KCNMA1: variants seen among roughly 807,000 people sequenced by gnomAD.
The protein encoded by KCNMA1 is potassium calcium-activated channel subfamily M alpha 1.
Under a neutral mutation model 140.0 loss-of-function variants are expected in KCNMA1, and 29 were observed. That is an observed-to-expected ratio of 0.21 (90% CI 0.15 to 0.28). KCNMA1 has a LOEUF of 0.28. Ranked by LOEUF, KCNMA1 falls within the 10% of genes least tolerant of loss-of-function variation. KCNMA1 has a pLI of 1.00. For missense variants in KCNMA1, 880 were observed against 1,602.2 expected (o/e 0.55, Z 7.70); for synonymous variants, 612 against 611.9 (o/e 1.00, Z 0.00).
intron 3 of KCNMA1, among the ~76,000 whole-genome samples, chr10:77,210,678 T>C (rs1423758281): frequency 6.6e-6 from 1 of 152,164 alleles, no homozygotes; most frequent in Non-Finnish European, 1.5e-5. Context: ...AAGATTCTTA[T>C]AAAAGGCTGT....
At chr10:77,212,391 G>A (rs974174124) in intron 3 of KCNMA1, among the ~76,000 whole-genome samples, 1 of 152,106 alleles carries the variant, frequency 6.6e-6, no homozygotes, top group Non-Finnish European at 1.5e-5. Context: ...AGTGGGAGCT[G>A]AGCACTGAGC....
intron 18 of KCNMA1, among the ~76,000 whole-genome samples, chr10:77,005,240 T>C (rs1481254979): frequency 1.3e-5 from 2 of 152,086 alleles, no homozygotes; most frequent in Non-Finnish European, 2.9e-5. Context: ...ATATATGCAG[T>C]GTCATTTCAA....
Position 77,637,547 on chromosome 10 carries a change from G to C in KCNMA1, c.96C>G (p.Asn32Lys), listed in dbSNP as rs749212119. The change falls in exon 1 of 28, where the codon AAC (asparagine) becomes AAG (lysine). Residue 32 changes from asparagine (N) to lysine (K), a missense_variant. Coordinates refer to ENST00000286628, the MANE Select transcript of KCNMA1 (RefSeq NM_001161352.2). The stretch of plus-strand genomic sequence containing the variant: ...AGGAGGACGCGTCTAGGCTGAGATG[G>C]TTCGCGTGGATATTGCTACTCATTC... The part of the protein sequence containing the change: ...SLRMSSNIHA[N>K]HLSLDASSSS... The C allele has an allele frequency of 6.5e-7, 1 of 1,545,608 alleles. No individual in the cohort carries two copies. Among genetic ancestry groups the C allele is most frequent in the African/African-American group, 1.4e-5 (1 of 73,190 alleles).
intron 2 of KCNMA1, among the ~76,000 whole-genome samples, chr10:77,389,828 T>C (rs1237525898): frequency 2.0e-5 from 3 of 152,130 alleles, no homozygotes; most frequent in African/African-American, 4.8e-5. Flanking sequence ...AAAAGAATCA[T>C]TGGAGGTGAG....
intron 1 of KCNMA1, among the ~76,000 whole-genome samples, chr10:77,554,996 C>G (rs984840890): frequency 6.6e-6 from 1 of 151,994 alleles, no homozygotes; most frequent in Admixed American, 6.6e-5. Flanking sequence ...TCAGAAGAAC[C>G]GTTCATAATG....
In KCNMA1 at chr10:77,523,937, T is replaced by C. The variant is rs1320219120; in HGVS notation, c.378+113328A>G. 3.9e-5 allele frequency among the ~76,000 whole-genome samples: 6 copies of C among 152,130 alleles called. No individual in the cohort carries two copies. The East Asian group carries it at 1.2e-3, about 29-fold the overall frequency. On this transcript the variant is annotated intron_variant, in intron 1 of 27. Transcript: ENST00000286628. ...ACTTAATTGTATATTTTAAAATAAC[T>C]TAAAGAATGTAACTGGATTGTTTGT...
intron 14 of KCNMA1, among the ~76,000 whole-genome samples, chr10:77,047,557 T>C (rs968861061): frequency 1.3e-5 from 2 of 150,580 alleles, no homozygotes; most frequent in South Asian, 4.2e-4. Flanking sequence ...AATTATTTTT[T>C]AAAGTGTTAC....
At chr10:77,437,241 G>A (rs2154503088) in intron 1 of KCNMA1, among the ~76,000 whole-genome samples, 1 of 152,226 alleles carries the variant, frequency 6.6e-6, no homozygotes, top group African/African-American at 2.4e-5. Context: ...GTACCTGGTG[G>A]ACAATAGGTG....
intron 3 of KCNMA1, among the ~76,000 whole-genome samples, chr10:77,209,628 T>C (rs1332304469): frequency 6.6e-6 from 1 of 152,154 alleles, no homozygotes; most frequent in South Asian, 2.1e-4. Context: ...AAGAGTTGGC[T>C]CTTCGAAAGA....
chr10:77,234,605 C>T lies in KCNMA1; in HGVS notation c.602+16590G>A, dbSNP rs144896927. 2.0e-5 allele frequency among the ~76,000 whole-genome samples: 3 copies of T among 152,306 alleles called. No homozygotes were observed. In the East Asian group the frequency reaches 5.8e-4, roughly 29 times the overall value. On this transcript the variant is annotated intron_variant, in intron 3 of 27. Transcript: ENST00000286628. Reference sequence around the variant, plus strand: ...GTAATCCATACTGAAAATTATTTTACATTTATGCCATCATCATCATTAGAT... The same window carrying T: ...GTAATCCATACTGAAAATTATTTTATATTTATGCCATCATCATCATTAGAT...
chr10:76,894,090 G>C lies in KCNMA1; in HGVS notation c.3148-2371C>G, dbSNP rs139640852. Among the ~76,000 whole-genome samples the C allele has an allele frequency of 1.9e-4, 29 of 152,178 alleles. No homozygotes were observed. The East Asian group carries it at 5.2e-3, about 27-fold the overall frequency. ...TTCCCAGTTTCAAAACATACTACAA[G>C]ACTATAGTAATCAAGATAGTAATGG... On this transcript the variant is annotated intron_variant, in intron 25 of 27. Coordinates refer to ENST00000286628, the MANE Select transcript of KCNMA1 (RefSeq NM_001161352.2).
intron 1 of KCNMA1, among the ~76,000 whole-genome samples, chr10:77,589,808 C>A (rs1299693658): frequency 6.6e-6 from 1 of 152,078 alleles, no homozygotes; most frequent in Non-Finnish European, 1.5e-5. Context: ...TGAGCAGCAG[C>A]AGGATTTATC....
chr10:76,963,698 ACTCT>A (rs1041668627), intron 20 of KCNMA1, among the ~76,000 whole-genome samples: 1 of 152,038 alleles, frequency 6.6e-6, no homozygotes, highest in East Asian at 1.9e-4. Context: ...TGCACTAATG[ACTCT>A]CTCTTGCTGA....
intron 2 of KCNMA1, among the ~76,000 whole-genome samples, chr10:77,352,102 C>T (rs2092954409): frequency 6.6e-6 from 1 of 152,222 alleles, no homozygotes. Context: ...CCTGTGCCAG[C>T]CACAAATGGG....
chr10:77,378,555 T>A (rs892731207), intron 2 of KCNMA1, among the ~76,000 whole-genome samples: 1 of 152,082 alleles, frequency 6.6e-6, no homozygotes, highest in African/African-American at 2.4e-5. Context: ...GGGGCTCTGG[T>A]TTGGGTGGGG....
At chr10:77,226,470 T>C (rs1488516483) in intron 3 of KCNMA1, among the ~76,000 whole-genome samples, 1 of 151,822 alleles carries the variant, frequency 6.6e-6, no homozygotes, top group African/African-American at 2.4e-5. Context: ...GCCATCCTGG[T>C]TTGAGATCCC....
intron 1 of KCNMA1, among the ~76,000 whole-genome samples, chr10:77,604,708 T>G (rs1006801400): frequency 6.6e-6 from 1 of 150,770 alleles, no homozygotes; most frequent in African/African-American, 2.4e-5. Flanking sequence ...AAAAAAGAGT[T>G]GCCTAATTCT....
At chr10:77,406,033 C>T in intron 1 of KCNMA1, among the ~76,000 whole-genome samples, 1 of 152,268 alleles carries the variant, frequency 6.6e-6, no homozygotes, top group South Asian at 2.1e-4. Flanking sequence ...ATGTGTTAAG[C>T]CCCACAGAGC....
At position 77,477,991 on chromosome 10, in the gene KCNMA1, G is replaced by A. The variant is rs576144992; in HGVS notation, c.379-73968C>T. ...CGGGCACTGCCACACAAAATCACCCGGTTCAAATACCCTGCAGGTACATGA... is the reference window on the plus strand; with the variant it reads ...CGGGCACTGCCACACAAAATCACCCAGTTCAAATACCCTGCAGGTACATGA... On this transcript the variant is annotated intron_variant, in intron 1 of 27. Coordinates refer to ENST00000286628, the MANE Select transcript of KCNMA1 (RefSeq NM_001161352.2). 5.9e-5 allele frequency among the ~76,000 whole-genome samples: 9 copies of A among 152,204 alleles called. No homozygotes were observed. In the South Asian group the frequency reaches 6.2e-4, roughly 11 times the overall value.
Sources: allele counts gnomAD v4.1 joint callset (sites outside exome capture counted in the v4.1 genomes callset), GRCh38; gene constraint gnomAD v4.1.1; transcripts MANE v1.5; gene names NCBI Gene and HGNC (gene_info 2026-07-23, HGNC 2026-07-21).